Variants in TBC1D5 observed in about 807,000 individuals in gnomAD.
TBC1D5 encodes TBC1 domain family, member 5.
A neutral mutation model predicts 100.3 loss-of-function variants in TBC1D5; 75 were observed. The ratio of observed to expected loss-of-function variants is 0.75; its 90% CI spans 0.62 to 0.91. The LOEUF (loss-of-function observed/expected upper bound fraction) is 0.91. TBC1D5 is among the 40% of genes least tolerant of loss of function. The pLI is 0.00. For synonymous variants in TBC1D5, 323 were observed against 325.6 expected (o/e 0.99, Z 0.09); for missense variants, 910 against 942.4 (o/e 0.97, Z 0.45).
intron 14 of TBC1D5, among the ~76,000 whole-genome samples, chr3:17,306,810 G>C (rs895696099): frequency 5.9e-5 from 9 of 151,968 alleles, no homozygotes; most frequent in African/African-American, 1.9e-4. Context: ...ATACAACTTA[G>C]AGGTTAGTAT....
chr3:17,713,112 G>A (rs1300196090), intron 1 of TBC1D5, among the ~76,000 whole-genome samples: 10 of 151,964 alleles, frequency 6.6e-5, no homozygotes, highest in African/African-American at 9.7e-5. Flanking sequence ...CTTTACTCGC[G>A]TATTTTTCTC....
intron 2 of TBC1D5, among the ~76,000 whole-genome samples, chr3:17,607,298 T>A (rs554190389): frequency 3.9e-5 from 6 of 152,294 alleles, no homozygotes; most frequent in African/African-American, 1.4e-4. Flanking sequence ...AATATCCTTA[T>A]ATAGCAGTGA....
In TBC1D5 at chr3:17,427,047, A is replaced by G. The variant is rs181695996; in HGVS notation, c.167+1403T>C. Reference sequence around the variant, plus strand: ...TTGGTTATTGTTACAATCAGCTATGACACACTCGAATAGGGGATTCTACCT... The same window carrying G: ...TTGGTTATTGTTACAATCAGCTATGGCACACTCGAATAGGGGATTCTACCT... On this transcript the variant is annotated intron_variant, in intron 4 of 21. Coordinates refer to ENST00000253692, the Ensembl canonical transcript of TBC1D5. Among the ~76,000 whole-genome samples, 34 of 152,140 alleles carry G rather than the reference A, an allele frequency of 2.2e-4. No individual in the cohort carries two copies. In the East Asian group the frequency reaches 6.4e-3, roughly 28 times the overall value.
At chr3:17,538,967 A>C (rs2096316252) in intron 2 of TBC1D5, among the ~76,000 whole-genome samples, 1 of 152,168 alleles carries the variant, frequency 6.6e-6, no homozygotes. Flanking sequence ...GGAACACTCG[A>C]GATCATAAGT....
rs564025344 is a variant in TBC1D5, at chr3:17,267,652, T to A, written c.1246-9061A>T. 5.9e-4 allele frequency among the ~76,000 whole-genome samples: 90 copies of A among 152,240 alleles called. No individual in the cohort carries two copies. The South Asian group carries it at 6.6e-3, about 11-fold the overall frequency. ...GGCAATTTAAAAATACTGTTAGAAT[T>A]TTTGAACCCCCAAGAATAAGTCCTT... is the stretch of plus-strand genomic sequence containing the variant. On this transcript the variant is annotated intron_variant, in intron 15 of 21. Transcript: ENST00000253692.
intron 3 of TBC1D5, among the ~76,000 whole-genome samples, chr3:17,471,462 G>A (rs528506763): frequency 6.6e-6 from 1 of 152,160 alleles, no homozygotes; most frequent in South Asian, 2.1e-4. Context: ...TTAAAAACCT[G>A]TGAAAGAAAC....
intron 16 of TBC1D5, among the ~76,000 whole-genome samples, chr3:17,242,459 A>G (rs2076380519): frequency 2.0e-5 from 3 of 151,860 alleles, no homozygotes; most frequent in Admixed American, 1.3e-4. Context: ...ATTTTTCTCT[A>G]TATTCTAATT....
intron 2 of TBC1D5, among the ~76,000 whole-genome samples, chr3:17,608,235 C>A (rs1206347744): frequency 6.6e-6 from 1 of 152,130 alleles, no homozygotes; most frequent in African/African-American, 2.4e-5. Context: ...CCAGCCCAGA[C>A]AACAGAGCGA....
At chr3:17,210,294 T>C (rs190933325) in intron 18 of TBC1D5, among the ~76,000 whole-genome samples, 2 of 152,126 alleles carry the variant, frequency 1.3e-5, no homozygotes, top group Non-Finnish European at 2.9e-5. Flanking sequence ...TTCAAGTGAT[T>C]CTCCTGCCTC....
chr3:17,427,868 C>A (rs1168836533), intron 4 of TBC1D5, among the ~76,000 whole-genome samples: 2 of 151,754 alleles, frequency 1.3e-5, no homozygotes, highest in Non-Finnish European at 3.0e-5. Context: ...TTTACTGAAG[C>A]AAAATTCAAG....
intron 2 of TBC1D5, among the ~76,000 whole-genome samples, chr3:17,604,042 T>G (rs796856022): frequency 4.6e-5 from 7 of 152,346 alleles, no homozygotes; most frequent in African/African-American, 1.7e-4. Context: ...AATGGCCTCC[T>G]GGACTGAACC....
exon 22 of TBC1D5, chr3:17,159,440 C>T (rs2065855751): frequency 6.6e-6 from 1 of 152,292 alleles, no homozygotes; most frequent in Non-Finnish European, 1.5e-5. Flanking sequence ...AAGGCCTCCA[C>T]TGCCCGGCTG....
intron 13 of TBC1D5, among the ~76,000 whole-genome samples, chr3:17,356,580 G>T (rs1429331622): frequency 1.3e-5 from 2 of 152,112 alleles, no homozygotes; most frequent in Admixed American, 1.3e-4. Flanking sequence ...AATGAATTCG[G>T]ATAAAAAGCA....
At chr3:17,275,073 T>C (rs529058890) in intron 15 of TBC1D5, among the ~76,000 whole-genome samples, 1 of 151,638 alleles carries the variant, frequency 6.6e-6, no homozygotes, top group African/African-American at 2.4e-5. Flanking sequence ...AAAGTGTCAG[T>C]ATCCCTAACA....
intron 1 of TBC1D5, among the ~76,000 whole-genome samples, chr3:17,691,181 G>A (rs1273917355): frequency 6.6e-6 from 1 of 151,932 alleles, no homozygotes. Flanking sequence ...GCTCTCAAGG[G>A]GTACATCCTC....
intron 1 of TBC1D5, among the ~76,000 whole-genome samples, chr3:17,710,070 T>TA (rs2074568008): frequency 1.3e-5 from 2 of 152,138 alleles, no homozygotes; most frequent in Non-Finnish European, 2.9e-5. Context: ...AAGTAATCAT[T>TA]AAAGATTTCT....
chr3:17,376,240 G>A (rs2092703097), intron 10 of TBC1D5, among the ~76,000 whole-genome samples: 1 of 151,968 alleles, frequency 6.6e-6, no homozygotes, highest in South Asian at 2.1e-4. Context: ...GCACTTTTGT[G>A]ATTACAACAA....
At chr3:17,554,072 TC>T (rs2096495508) in intron 2 of TBC1D5, among the ~76,000 whole-genome samples, 1 of 152,174 alleles carries the variant, frequency 6.6e-6, no homozygotes, top group African/African-American at 2.4e-5. Context: ...CTCATCTGTC[TC>T]CTAAATTAAG....
At chr3:17,283,713 G>A (rs1221009515) in intron 15 of TBC1D5, among the ~76,000 whole-genome samples, 2 of 151,714 alleles carry the variant, frequency 1.3e-5, no homozygotes, top group East Asian at 1.9e-4. Flanking sequence ...CGAGAATCCC[G>A]TAATCTTTCT....
Sources: allele counts gnomAD v4.1 joint callset (sites outside exome capture counted in the v4.1 genomes callset), GRCh38; gene constraint gnomAD v4.1.1; transcripts MANE v1.5; gene names NCBI Gene and HGNC (gene_info 2026-07-23, HGNC 2026-07-21).